GPSM1: variants seen among roughly 807,000 people sequenced by gnomAD.
The protein encoded by GPSM1 is G protein signaling modulator 1.
A neutral mutation model predicts 70.5 loss-of-function variants in GPSM1; 48 were observed. The ratio of observed to expected loss-of-function variants is 0.68; its 90% CI spans 0.54 to 0.87. GPSM1 has a LOEUF of 0.87. GPSM1 is among the 40% of genes least tolerant of loss of function. The pLI is 0.00. For missense variants in GPSM1, 981 were observed against 972.6 expected (o/e 1.01, Z -0.11); for synonymous variants, 416 against 430.1 (o/e 0.97, Z 0.41).
intron 9 of GPSM1, among the ~76,000 whole-genome samples, chr9:136,346,169 C>T (rs1183393813): frequency 6.6e-6 from 1 of 152,210 alleles, no homozygotes; most frequent in Non-Finnish European, 1.5e-5. Context: ...CCCTGGAGAG[C>T]AGGAGCTTAG....
In GPSM1 at chr9:136,334,737, C is replaced by T. The variant is rs530374311; in HGVS notation, c.290+69C>T. On this transcript the variant is annotated intron_variant, in intron 2 of 13. Transcript: ENST00000440944. Reference sequence around the variant, plus strand: ...GCTGGCGCGGTGAGTGGGGACGGCCCTGCTGGTGGGTGAGTGGGGCGGCCC... The same window carrying T: ...GCTGGCGCGGTGAGTGGGGACGGCCTTGCTGGTGGGTGAGTGGGGCGGCCC... 7 of 1,312,610 alleles carry T rather than the reference C, an allele frequency of 5.3e-6. No homozygotes were observed. In the African/African-American group the frequency reaches 6.7e-5, roughly 13 times the overall value. The allele number at this position is 1,312,610 out of a possible 1,614,324, so 81.3% of individuals were successfully genotyped here. A position where few individuals can be genotyped will look rare whatever the true frequency, so the allele number is the denominator to read the frequency against.
chr9:136,332,461 C>T (rs868912909), intron 1 of GPSM1, among the ~76,000 whole-genome samples: 3 of 152,216 alleles, frequency 2.0e-5, no homozygotes, highest in Non-Finnish European at 4.4e-5. Flanking sequence ...ATCAGATCTG[C>T]GGAGCAGCAG....
intron 1 of GPSM1, 67 bp downstream of exon 1, chr9:136,327,830 G>T: frequency 3.4e-6 from 2 of 586,492 alleles, no homozygotes; most frequent in South Asian, 1.6e-4. Flanking sequence ...CGGGACGCGG[G>T]GGAGGCTGCA....
In GPSM1 at chr9:136,342,754, G is replaced by C. The variant is rs1176012120; in HGVS notation, c.1207+1761G>C. 1.3e-5 allele frequency among the ~76,000 whole-genome samples: 2 copies of C among 151,964 alleles called. No homozygotes were observed. The highest frequency in any genetic ancestry group is 6.5e-5 in the Admixed American group (1 of 15,270). The stretch of plus-strand genomic sequence containing the variant: ...TGCGGAGGGCGGGGTGGATCTGCGA[G>C]CTGCGGGAGGGGAGGGGGGTGCAGA... On this transcript the variant is annotated intron_variant, in intron 9 of 13. Coordinates refer to ENST00000440944, the MANE Select transcript of GPSM1 (RefSeq NM_001145638.3). This position sits in a 1 kb window ranked among gnomAD's most constrained non-coding sequence, Gnocchi z 5.5.
At chr9:136,339,319 C>T (rs539617091) in intron 7 of GPSM1, among the ~76,000 whole-genome samples, 16 of 152,370 alleles carry the variant, frequency 1.1e-4, no homozygotes, top group Admixed American at 8.5e-4. Context: ...CCCCCTCACC[C>T]AGTGACTTGG....
In GPSM1 at chr9:136,355,716, C is replaced by T. The variant is rs146150756; in HGVS notation, c.1482C>T (p.Asp494=). 2.2e-5 allele frequency: 35 copies of T among 1,612,318 alleles called. No homozygotes were observed. In the African/African-American group the frequency reaches 2.8e-4, roughly 13 times the overall value. Residue 494 remains aspartate, a synonymous_variant, in exon 12 of 14, where the codon GAC becomes GAT. Transcript: ENST00000440944. The part of the protein sequence containing the change: ...RTSIPRAPSS[D]EECFFDLLTK... ...GCATCCCGAGGGCCCCGTCTTCGGA[C>T]GAGGAGTGCTTCTTTGACCTGTTGA...
At chr9:136,336,151 CG>C (rs782807383) in intron 3 of GPSM1, 50 bp downstream of exon 3, 1 of 1,583,834 alleles carries the variant, frequency 6.3e-7, no homozygotes, top group Non-Finnish European at 8.6e-7. Context: ...CACCGGCCTG[CG>C]TCCAGATCCG....
chr9:136,332,531 C>T (rs1832126155), intron 1 of GPSM1, among the ~76,000 whole-genome samples: 1 of 152,214 alleles, frequency 6.6e-6, no homozygotes, highest in African/African-American at 2.4e-5. Context: ...CCGATGTTGC[C>T]TGGAAGGAGG....
chr9:136,338,484 T>C (rs1832305224), intron 6 of GPSM1, 71 bp from the exon 7 acceptor site: 2 of 1,450,748 alleles, frequency 1.4e-6, no homozygotes, highest in African/African-American at 2.8e-5. Flanking sequence ...GCAGACTGCG[T>C]CCCCATTCTT....
rs367584448 is a variant in GPSM1, at chr9:136,356,489, G to A, written c.1760G>A (p.Arg587Gln). 52 of 1,611,988 alleles carry A rather than the reference G, an allele frequency of 3.2e-5. No individual in the cohort carries two copies. Among genetic ancestry groups the A allele is most frequent in the South Asian group, 1.6e-4 (15 of 91,046 alleles). Residue 587 changes from arginine (R) to glutamine (Q), a missense_variant, in exon 13 of 14, where the codon CGA becomes CAA. Transcript: ENST00000440944. ...ACCCACAGCAATGCAGGGCACCTCC[G>A]AGGCCACGGCGAGCCCCAGGAGCCG... is the stretch of plus-strand genomic sequence containing the variant. The part of the protein sequence containing the change: ...RITHSNAGHL[R>Q]GHGEPQEPGD...
intron 11 of GPSM1, among the ~76,000 whole-genome samples, chr9:136,353,728 G>A (rs1832734672): frequency 6.6e-6 from 1 of 152,248 alleles, no homozygotes; most frequent in African/African-American, 2.4e-5. Flanking sequence ...CTGGGCCCCG[G>A]GTCACCTGGG....
intron 11 of GPSM1, among the ~76,000 whole-genome samples, chr9:136,352,120 C>T (rs1457003115): frequency 1.4e-5 from 2 of 147,412 alleles, no homozygotes; most frequent in Non-Finnish European, 3.0e-5. Context: ...AATGCTGCGC[C>T]GTTGCTGTTG....
intron 10 of GPSM1, among the ~76,000 whole-genome samples, chr9:136,349,163 C>T (rs550992192): frequency 9.9e-5 from 15 of 152,254 alleles, no homozygotes; most frequent in Non-Finnish European, 1.6e-4. Flanking sequence ...CAGACAGATT[C>T]GGGGGCTGCC....
chr9:136,334,391 C>T (rs1029720496), intron 1 of GPSM1, 56 bp from the exon 2 acceptor site: 64 of 1,380,882 alleles, frequency 4.6e-5, no homozygotes, highest in South Asian at 9.6e-5. Context: ...GGAGGTGCTC[C>T]GGCCCCGGGG....
intron 13 of GPSM1, among the ~76,000 whole-genome samples, chr9:136,356,954 G>A (rs1304172493): frequency 3.3e-5 from 5 of 152,216 alleles, no homozygotes; most frequent in Non-Finnish European, 5.9e-5. Context: ...GAGGGCAGGG[G>A]GATCCAGGGC....
In GPSM1 at chr9:136,356,347, C is replaced by T. The variant is rs782578473; in HGVS notation, c.1618C>T (p.Pro540Ser). The change falls in exon 13 of 14, where the codon CCC becomes TCC. Residue 540 changes from proline to serine, a missense_variant. Coordinates refer to ENST00000440944, the MANE Select transcript of GPSM1 (RefSeq NM_001145638.3). ...CACCCTCTGGCCCCCCGCAGCCCAG[C>T]CCTCGATGACGGCCTCGCCCCAGAC... The part of the protein sequence containing the change: ...APTLEDRIAQ[P>S]SMTASPQTEE... 2 of 1,583,996 alleles carry T rather than the reference C, an allele frequency of 1.3e-6. 1 individual carries two copies. Among genetic ancestry groups the T allele is most frequent in the South Asian group, 2.3e-5 (2 of 88,258 alleles).
intron 11 of GPSM1, among the ~76,000 whole-genome samples, chr9:136,352,772 G>A (rs1832706390): frequency 6.6e-6 from 1 of 152,232 alleles, no homozygotes; most frequent in Admixed American, 6.5e-5. Flanking sequence ...GGGCCCAGGT[G>A]TCAGCGGGAA....
rs543544490 is a variant in GPSM1 at position 136,340,142 on chromosome 9, G to A, written c.1083+327G>A. On this transcript the variant is annotated intron_variant, in intron 8 of 13. Coordinates refer to ENST00000440944, the MANE Select transcript of GPSM1 (RefSeq NM_001145638.3). This position sits in a 1 kb window ranked among gnomAD's most constrained non-coding sequence, Gnocchi z 7.3. ...ATCACAGATGAACTGTGGGCCTCCC[G>A]GCTCCCGGCCTGTCCTTACATCACC... Among the ~76,000 whole-genome samples, 73 of 152,268 alleles carry A rather than the reference G, an allele frequency of 4.8e-4. No individual in the cohort carries two copies. The highest frequency in any genetic ancestry group is 7.4e-4 in the Non-Finnish European group (50 of 68,010).
chr9:136,334,309 C>T, intron 1 of GPSM1, 138 bp from the exon 2 acceptor site: 2 of 648,446 alleles, frequency 3.1e-6, no homozygotes, highest in Admixed American at 5.2e-5. Context: ...CCCAAAGAGA[C>T]ACTTAGGTCT....
Sources: allele counts gnomAD v4.1 joint callset (sites outside exome capture counted in the v4.1 genomes callset), GRCh38; gene constraint gnomAD v4.1.1; non-coding constraint Gnocchi (gnomAD v3.1); transcripts MANE v1.5; gene names NCBI Gene and HGNC (gene_info 2026-07-23, HGNC 2026-07-21).